CLDN10: variants seen among roughly 807,000 people sequenced by gnomAD.
The protein encoded by CLDN10 is claudin-10.
In CLDN10, 15 loss-of-function variants were observed where a neutral mutation model predicts 22.9. That is an observed-to-expected ratio of 0.65 (90% CI 0.44 to 1.01). CLDN10 has a LOEUF of 1.01. Ranked by LOEUF, CLDN10 falls within the 50% of genes least tolerant of loss-of-function variation. The pLI, the probability that CLDN10 is intolerant of heterozygous loss-of-function variation, is 0.00. For synonymous variants in CLDN10, 114 were observed against 111.4 expected (o/e 1.02, Z -0.15); for missense variants, 247 against 287.8 (o/e 0.86, Z 1.03).
chr13:95,568,661 C>T (rs555395831), intron 3 of CLDN10, among the ~76,000 whole-genome samples: 1 of 152,244 alleles, frequency 6.6e-6, no homozygotes, highest in East Asian at 1.9e-4. Flanking sequence ...TTCTCCTAAA[C>T]AAGACCACAA....
intron 1 of CLDN10, among the ~76,000 whole-genome samples, chr13:95,463,325 T>TATATATTTTTC (rs1566282981): frequency 9.9e-6 from 1 of 101,152 alleles, no homozygotes; most frequent in Non-Finnish European, 2.1e-5. Flanking sequence ...TATATATATA[T>TATATATTTTTC]TTGCCTTTTT....
intron 1 of CLDN10, among the ~76,000 whole-genome samples, chr13:95,499,657 A>G (rs1484461562): frequency 1.3e-5 from 2 of 152,208 alleles, no homozygotes; most frequent in East Asian, 1.9e-4. Flanking sequence ...CCCTGCTGCC[A>G]GTGGAGGTGG....
chr13:95,568,385 A>G (rs890160288), intron 3 of CLDN10, among the ~76,000 whole-genome samples: 3 of 152,202 alleles, frequency 2.0e-5, no homozygotes, highest in Admixed American at 1.3e-4. Context: ...TGACCTAAAA[A>G]TCTGCTTGGG....
At chr13:95,538,588 A>T (rs1006922724) in intron 1 of CLDN10, among the ~76,000 whole-genome samples, 30 of 152,124 alleles carry the variant, frequency 2.0e-4, no homozygotes, top group African/African-American at 6.8e-4. Context: ...TGCAAGGTCA[A>T]TGTGTGTGTT....
intron 1 of CLDN10, chr13:95,479,805 T>A (rs2042724561): frequency 6.6e-6 from 1 of 152,242 alleles, no homozygotes; most frequent in Non-Finnish European, 1.5e-5. Context: ...TGGACAGCAC[T>A]GTCTGTATGT....
chr13:95,448,343 AC>A, intron 1 of CLDN10, among the ~76,000 whole-genome samples: 1 of 152,236 alleles, frequency 6.6e-6, no homozygotes, highest in South Asian at 2.1e-4. Flanking sequence ...ATGTGCATTC[AC>A]CATACAGGCA....
At chr13:95,516,931 C>A (rs992782178) in intron 1 of CLDN10, among the ~76,000 whole-genome samples, 11 of 151,912 alleles carry the variant, frequency 7.2e-5, no homozygotes, top group African/African-American at 2.7e-4. Flanking sequence ...CCATACAGAC[C>A]ATTGTGATGA....
At chr13:95,460,446 G>A (rs2042524929) in intron 1 of CLDN10, among the ~76,000 whole-genome samples, 1 of 152,122 alleles carries the variant, frequency 6.6e-6, no homozygotes, top group African/African-American at 2.4e-5. Flanking sequence ...CTGTGGCTGG[G>A]AAGGCCTCAG....
intron 1 of CLDN10, among the ~76,000 whole-genome samples, chr13:95,543,296 A>G (rs1390009964): frequency 1.3e-5 from 2 of 152,198 alleles, no homozygotes; most frequent in African/African-American, 2.4e-5. Flanking sequence ...AGAGTCAGCC[A>G]GAGCTTTTCA....
chr13:95,506,464 T>C (rs2138550909), intron 1 of CLDN10, among the ~76,000 whole-genome samples: 1 of 152,326 alleles, frequency 6.6e-6, no homozygotes, highest in Middle Eastern at 3.4e-3. Context: ...TCTCTCCTTC[T>C]GATCTTTTTC....
At chr13:95,464,095 T>A (rs1007184459) in intron 1 of CLDN10, among the ~76,000 whole-genome samples, 18 of 150,060 alleles carry the variant, frequency 1.2e-4, no homozygotes, top group South Asian at 6.3e-4. Flanking sequence ...TGATTTTTTT[T>A]AAATATATAT....
chr13:95,546,678 A>G (rs534491897), intron 1 of CLDN10, among the ~76,000 whole-genome samples: 3 of 152,280 alleles, frequency 2.0e-5, no homozygotes, highest in South Asian at 2.1e-4. Flanking sequence ...CACCTGCTGT[A>G]TTGTGAGGAC....
chr13:95,511,249 A>G (rs1413214487), intron 1 of CLDN10, among the ~76,000 whole-genome samples: 2 of 152,156 alleles, frequency 1.3e-5, no homozygotes, highest in African/African-American at 4.8e-5. Flanking sequence ...GTAAATACAG[A>G]TTAGTATCAT....
chr13:95,572,036 T>C (rs922154046), intron 3 of CLDN10, among the ~76,000 whole-genome samples: 1 of 152,148 alleles, frequency 6.6e-6, no homozygotes, highest in Non-Finnish European at 1.5e-5. Context: ...TGAGGTGCTT[T>C]CGTTTGTTAA....
At chr13:95,554,518 G>A (rs966001064) in intron 1 of CLDN10, among the ~76,000 whole-genome samples, 10 of 152,134 alleles carry the variant, frequency 6.6e-5, no homozygotes, top group African/African-American at 1.9e-4. Flanking sequence ...AGATCGGGCC[G>A]GGAGTGAAGA....
At chr13:95,577,197 T>G (rs768204475) in intron 3 of CLDN10, 34 bp from the exon 4 acceptor site, 7 of 1,389,538 alleles carry the variant, frequency 5.0e-6, no homozygotes, top group South Asian at 3.6e-5. Flanking sequence ...TCCAAATAAG[T>G]GAGCTGTAAT....
chr13:95,486,967 A>T (rs1234721772), intron 1 of CLDN10, among the ~76,000 whole-genome samples: 8 of 152,176 alleles, frequency 5.3e-5, no homozygotes, highest in Non-Finnish European at 8.8e-5. Flanking sequence ...GCCAAAATGA[A>T]GTGGAGATTT....
At chr13:95,515,886 C>A (rs1362933106) in intron 1 of CLDN10, among the ~76,000 whole-genome samples, 2 of 152,016 alleles carry the variant, frequency 1.3e-5, no homozygotes, top group African/African-American at 4.8e-5. Context: ...CCAGCCTGGC[C>A]AACATGGTGA....
chr13:95,571,438 C>A (rs1304830950), intron 3 of CLDN10, among the ~76,000 whole-genome samples: 1 of 152,170 alleles, frequency 6.6e-6, no homozygotes, highest in Non-Finnish European at 1.5e-5. Flanking sequence ...TTGGGAGGCA[C>A]CTGTCACTAT....
Sources: gnomAD v4.1 joint callset for allele counts (sites outside exome capture counted in the v4.1 genomes callset) on GRCh38, gnomAD v4.1.1 for gene constraint, MANE v1.5 for transcripts, NCBI Gene and HGNC (gene_info 2026-07-23, HGNC 2026-07-21) for gene names.